HPS5: variants seen among roughly 807,000 people sequenced by gnomAD.
HPS5 encodes the protein BLOC-2 complex member HPS5.
A neutral mutation model predicts 128.0 loss-of-function variants in HPS5; 83 were observed. The ratio of observed to expected loss-of-function variants is 0.65; its 90% CI spans 0.54 to 0.78. The LOEUF (loss-of-function observed/expected upper bound fraction) is 0.78. Ranked by LOEUF, HPS5 falls within the 30% of genes least tolerant of loss-of-function variation. The probability of loss-of-function intolerance (pLI) is 0.00; values close to 1 mark genes in which losing one functional copy is unlikely to be tolerated. For synonymous variants in HPS5, 475 were observed against 470.2 expected, an observed-to-expected ratio of 1.01 and a Z score of -0.13; for missense variants, 1,281 against 1,326.2, an observed-to-expected ratio of 0.97 and a Z score of 0.53.
rs190309735 is a variant in HPS5, at chr11:18,286,065, A to G, written c.2837+526T>C. Among the ~76,000 whole-genome samples the G allele has an allele frequency of 9.2e-5, 14 of 152,364 alleles. No homozygotes were observed. The East Asian group carries it at 2.1e-3, about 23-fold the overall frequency. ...GTTTTGCATGACTGCATTTTTCTAA[A>G]AGGAATCATCAGATTCTTATAGGGT... On this transcript the variant is annotated intron_variant, in intron 19 of 22. Transcript: ENST00000349215.
chr11:18,291,508 C>T lies in HPS5; in HGVS notation c.2374G>A (p.Glu792Lys), dbSNP rs893964900. ...TTACTGTAACTAAGCTTGATACTCTCCTTCGCTCTTTTCAAGTTCAGGAGA... is the reference window on the plus strand; with the variant it reads ...TTACTGTAACTAAGCTTGATACTCTTCTTCGCTCTTTTCAAGTTCAGGAGA... ...FFLLNLKRAK[E>K]SIKLSYSNSP... is the part of the protein sequence containing the mutation. The change falls in exon 16 of 23, where the codon GAG (glutamate) becomes AAG (lysine). Residue 792 changes from glutamate (E) to lysine (K), a missense_variant. Coordinates refer to ENST00000349215, the MANE Select transcript of HPS5 (RefSeq NM_181507.2). The T allele has an allele frequency of 1.1e-5, 17 of 1,612,560 alleles. No homozygotes were observed. The highest frequency in any genetic ancestry group is 1.4e-5 in the Non-Finnish European group (16 of 1,179,372).
At position 18,311,495 on chromosome 11, in the gene HPS5, CATT is replaced by C. The variant is rs59102347; in HGVS notation, c.220-47_220-45del. 1,381 of 644,736 alleles carry C rather than the reference CATT, an allele frequency of 2.1e-3. 41 individuals carry two copies. Among genetic ancestry groups the C allele is most frequent in the South Asian group, 3.0e-3 (117 of 38,680 alleles). 39.9% of individuals were successfully genotyped at this position (644,736 alleles called of 1,614,324 possible). On this transcript the variant is annotated intron_variant, in intron 3 of 22. Transcript: ENST00000349215. The stretch of plus-strand genomic sequence containing the variant: ...TACATTTTTTAAATCTCAAGTTTTA[CATT>C]ATTATTATTATTATTTTTTTTTTTT...
At chr11:18,284,168 A>G (rs965039108) in intron 20 of HPS5, among the ~76,000 whole-genome samples, 17 of 143,130 alleles carry the variant, frequency 1.2e-4, no homozygotes, top group Admixed American at 6.2e-4. Context: ...TGATCTAGGG[A>G]AAAAAAAAAA....
intron 16 of HPS5, 24 bp downstream of exon 16, chr11:18,291,418 T>G (rs760842141): frequency 6.9e-7 from 1 of 1,454,090 alleles, no homozygotes; most frequent in Non-Finnish European, 9.6e-7. Context: ...ATTTCTATCT[T>G]TGATAAGGCA....
rs558922263 is a variant in HPS5 at position 18,280,480 on chromosome 11, G to A, written c.3330-538C>T. On this transcript the variant is annotated intron_variant, in intron 22 of 22. Transcript: ENST00000349215. ...GCAGTCTCTACAGAACAGTATGGTGGTTCCTCAAAAAATTAAAAATAGAAT... is the reference window on the plus strand; with the variant it reads ...GCAGTCTCTACAGAACAGTATGGTGATTCCTCAAAAAATTAAAAATAGAAT... 1.3e-5 allele frequency: 9 copies of A among 670,504 alleles called. No homozygotes were observed. The East Asian group carries it at 2.2e-4, about 16-fold the overall frequency. 41.5% of individuals were successfully genotyped at this position (670,504 alleles called of 1,614,324 possible).
chr11:18,311,809 C>T, intron 3 of HPS5, 105 bp downstream of exon 3: 1 of 936,294 alleles, frequency 1.1e-6, no homozygotes, highest in Non-Finnish European at 1.8e-6. Flanking sequence ...CCGCACCAAG[C>T]CAAGTTCTAC....
chr11:18,284,174 A>G (rs76389639), intron 20 of HPS5, among the ~76,000 whole-genome samples: 4 of 152,106 alleles, frequency 2.6e-5, no homozygotes, highest in African/African-American at 9.7e-5. Flanking sequence ...AGGGAAAAAA[A>G]AAAAACAAAA....
chr11:18,311,873 A>G, intron 3 of HPS5, 41 bp downstream of exon 3: 1 of 1,254,834 alleles, frequency 8.0e-7, no homozygotes, highest in Non-Finnish European at 1.2e-6. Context: ...TTTATGAAAG[A>G]GACTCCAAAT....
At chr11:18,296,567 T>C (rs1861091252) in intron 12 of HPS5, 1 of 616,862 alleles carries the variant, frequency 1.6e-6, no homozygotes, top group Non-Finnish European at 2.9e-6. Context: ...TTTTGATGCA[T>C]GATCAAAAAC....
intron 2 of HPS5, among the ~76,000 whole-genome samples, chr11:18,315,323 T>C (rs1172860264): frequency 6.6e-6 from 1 of 152,192 alleles, no homozygotes; most frequent in Admixed American, 6.5e-5. Context: ...AGAAAGCTTC[T>C]TTCCAAAGTG....
At chr11:18,280,546 G>A (rs954457964) in intron 22 of HPS5, 21 of 698,758 alleles carry the variant, frequency 3.0e-5, no homozygotes, top group African/African-American at 1.4e-4. Context: ...GTATATACCC[G>A]AAAGAACTGA....
intron 8 of HPS5, 109 bp downstream of exon 8, chr11:18,305,313 A>C (rs1269825847): frequency 1.4e-6 from 1 of 720,768 alleles, no homozygotes; most frequent in Non-Finnish European, 2.5e-6. Context: ...ACTTTCTATA[A>C]GTAATTTAGT....
chr11:18,300,564 G>T (rs1263737463), intron 9 of HPS5, among the ~76,000 whole-genome samples: 1 of 151,926 alleles, frequency 6.6e-6, no homozygotes. Context: ...AGGTGTGGTG[G>T]TGCGTGCCTG....
chr11:18,282,284 G>T, intron 21 of HPS5, 64 bp from the exon 22 acceptor site: 2 of 1,571,088 alleles, frequency 1.3e-6, no homozygotes, highest in Middle Eastern at 2.1e-4. Context: ...TACAGGAGAT[G>T]GTCAAAACTG....
At chr11:18,286,135 ATT>A (rs1332006333) in intron 19 of HPS5, among the ~76,000 whole-genome samples, 1 of 152,208 alleles carries the variant, frequency 6.6e-6, no homozygotes, top group Non-Finnish European at 1.5e-5. Flanking sequence ...ACTTAATCTC[ATT>A]ACTACCATGA....
At chr11:18,294,324 A>C (rs1860799742) in intron 14 of HPS5, among the ~76,000 whole-genome samples, 1 of 152,166 alleles carries the variant, frequency 6.6e-6, no homozygotes, top group Non-Finnish European at 1.5e-5. Flanking sequence ...ACATGAGACA[A>C]TTAGATAATA....
Position 18,320,658 on chromosome 11 carries a change from C to G in HPS5, c.-50+1288G>C, listed in dbSNP as rs115881363. 6.2e-3 allele frequency among the ~76,000 whole-genome samples: 948 copies of G among 152,296 alleles called. 14 individuals are homozygous for G. The highest frequency in any genetic ancestry group is 0.022 in the African/African-American group (915 of 41,554). On this transcript the variant is annotated intron_variant, in intron 1 of 22. Transcript: ENST00000349215. ...TTCCCAGTTTCTTCATCACTCCTGACATGACATTTTCCAACCCTCTGTTCC... is the reference window on the plus strand; with the variant it reads ...TTCCCAGTTTCTTCATCACTCCTGAGATGACATTTTCCAACCCTCTGTTCC...
chr11:18,295,723 T>C (rs569810575), intron 13 of HPS5, among the ~76,000 whole-genome samples: 1 of 152,322 alleles, frequency 6.6e-6, no homozygotes, highest in Admixed American at 6.5e-5. Flanking sequence ...TAAAGACTAA[T>C]GATACGTGGA....
chr11:18,310,848 G>C lies in HPS5; in HGVS notation c.370C>G (p.Arg124Gly). 6.2e-7 allele frequency: 1 copy of C among 1,613,232 alleles called. No homozygotes were observed. Among genetic ancestry groups the C allele is most frequent in the Non-Finnish European group, 8.5e-7 (1 of 1,179,492 alleles). ...TCCCAGCAGAGAGCTGTGACTCTTCGGCCTTTGTGTTCTGAAGACACATAC... is the reference window on the plus strand; with the variant it reads ...TCCCAGCAGAGAGCTGTGACTCTTCCGCCTTTGTGTTCTGAAGACACATAC... ...QMYVSSEHKG[R>G]RVTALCWDTA... The change falls in exon 5 of 23, where the codon CGA becomes GGA. Residue 124 changes from arginine to glycine, a missense_variant. Transcript: ENST00000349215.
Sources: allele counts gnomAD v4.1 joint callset (sites outside exome capture counted in the v4.1 genomes callset), GRCh38; gene constraint gnomAD v4.1.1; transcripts MANE v1.5; gene names NCBI Gene and HGNC (gene_info 2026-07-23, HGNC 2026-07-21).